The following NCAM2 variants were observed in gnomAD, a reference collection of about 807,000 sequenced individuals.
The protein encoded by NCAM2 is N-CAM-2.
In NCAM2, 30 loss-of-function variants were observed where a neutral mutation model predicts 98.1. That is an observed-to-expected ratio of 0.31 (90% CI 0.23 to 0.41). NCAM2 has a LOEUF of 0.41. NCAM2 is among the 10% of genes least tolerant of loss of function. The pLI is 1.00. For synonymous variants in NCAM2, 368 were observed against 342.4 expected, an observed-to-expected ratio of 1.07 and a Z score of -0.83; for missense variants, 867 against 1,005.8, an observed-to-expected ratio of 0.86 and a Z score of 1.87.
chr21:21,445,865 A>G (rs1980051984), intron 12 of NCAM2, among the ~76,000 whole-genome samples: 1 of 151,990 alleles, frequency 6.6e-6, no homozygotes, highest in African/African-American at 2.4e-5. Context: ...GATCCTGATC[A>G]AGAGTCATCA....
Position 21,209,404 on chromosome 21 carries a change from C to T in NCAM2, c.56-71174C>T, listed in dbSNP as rs562180457. On this transcript the variant is annotated intron_variant, in intron 1 of 17. Coordinates refer to ENST00000400546, the MANE Select transcript of NCAM2 (RefSeq NM_004540.5). The stretch of plus-strand genomic sequence containing the variant: ...TTAATTTATTTATTTTTATTTTTTT[C>T]GGAAAGACTGGGTCTTGCTATGTTT... Among the ~76,000 whole-genome samples, 5 of 152,064 alleles carry T rather than the reference C, an allele frequency of 3.3e-5. No homozygotes were observed. The South Asian group carries it at 8.3e-4, about 25-fold the overall frequency.
At chr21:21,314,568 T>G (rs1163948957) in intron 5 of NCAM2, among the ~76,000 whole-genome samples, 1 of 152,162 alleles carries the variant, frequency 6.6e-6, no homozygotes, top group Non-Finnish European at 1.5e-5. Context: ...CCTACATTAT[T>G]TTGTCCTGGT....
chr21:21,169,434 A>G (rs2068051416), intron 1 of NCAM2, among the ~76,000 whole-genome samples: 1 of 152,236 alleles, frequency 6.6e-6, no homozygotes, highest in Non-Finnish European at 1.5e-5. Context: ...GAAATATTTG[A>G]TAATCTGGAC....
chr21:21,272,396 A>G (rs1464016107), intron 1 of NCAM2, among the ~76,000 whole-genome samples: 1 of 152,188 alleles, frequency 6.6e-6, no homozygotes, highest in Non-Finnish European at 1.5e-5. Context: ...CCTTGGCCCT[A>G]CACCAAATAT....
intron 12 of NCAM2, among the ~76,000 whole-genome samples, chr21:21,449,546 A>AT (rs986901670): frequency 6.6e-6 from 1 of 152,058 alleles, no homozygotes; most frequent in Non-Finnish European, 1.5e-5. Flanking sequence ...TTGATAGCGC[A>AT]TTTTAGATGA....
Position 21,244,254 on chromosome 21 carries a change from C to T in NCAM2, c.56-36324C>T, listed in dbSNP as rs561132092. ...TACTATAAAAGGAAACCTTTTGTTG[C>T]TCCCAAGAAGAAAAGAAAAAAATAG... On this transcript the variant is annotated intron_variant, in intron 1 of 17. Transcript: ENST00000400546. Among the ~76,000 whole-genome samples the T allele has an allele frequency of 3.3e-5, 5 of 152,080 alleles. No individual in the cohort carries two copies. The East Asian group carries it at 5.8e-4, about 18-fold the overall frequency.
At chr21:21,039,419 A>G (rs993064511) in intron 1 of NCAM2, among the ~76,000 whole-genome samples, 2 of 152,220 alleles carry the variant, frequency 1.3e-5, no homozygotes, top group African/African-American at 4.8e-5. Flanking sequence ...CGCATTATAT[A>G]TTTCAAAATA....
At chr21:21,316,533 C>CTTTTTTT (rs34341259) in intron 5 of NCAM2, among the ~76,000 whole-genome samples, 9 of 110,900 alleles carry the variant, frequency 8.1e-5, no homozygotes, top group Admixed American at 1.1e-4. Flanking sequence ...ATCTTTTATT[C>CTTTTTTT]TTTTTTTTTT....
intron 12 of NCAM2, among the ~76,000 whole-genome samples, chr21:21,446,741 T>C (rs551008177): frequency 6.6e-6 from 1 of 152,172 alleles, no homozygotes; most frequent in Non-Finnish European, 1.5e-5. Flanking sequence ...GTCACATATA[T>C]TCCTTTACAC....
chr21:21,140,897 G>T (rs2067153726), intron 1 of NCAM2, among the ~76,000 whole-genome samples: 1 of 152,050 alleles, frequency 6.6e-6, no homozygotes, highest in Non-Finnish European at 1.5e-5. Context: ...ACTCTAAGAA[G>T]GCTTACAGTG....
intron 1 of NCAM2, among the ~76,000 whole-genome samples, chr21:21,060,510 G>C (rs2065299932): frequency 3.9e-5 from 6 of 151,936 alleles, no homozygotes. Flanking sequence ...GACAATTTTA[G>C]AAATCAAAAC....
In NCAM2 at chr21:21,317,072, C is replaced by A. The variant is rs547271402; in HGVS notation, c.620-7311C>A. 2.0e-4 allele frequency among the ~76,000 whole-genome samples: 30 copies of A among 152,294 alleles called. No individual in the cohort carries two copies. The South Asian group carries it at 5.8e-3, about 29-fold the overall frequency. ...CACAAACTCCAAGGGCAATACAAGA[C>A]ACCAAGCCCACAGCTGCCCTTCTAC... On this transcript the variant is annotated intron_variant, in intron 5 of 17. Coordinates refer to ENST00000400546, the MANE Select transcript of NCAM2 (RefSeq NM_004540.5).
At chr21:21,391,589 G>C (rs1416618363) in intron 9 of NCAM2, among the ~76,000 whole-genome samples, 1 of 152,128 alleles carries the variant, frequency 6.6e-6, no homozygotes, top group African/African-American at 2.4e-5. Context: ...ATTCAGATTA[G>C]TGTATTTATT....
At chr21:21,239,856 T>A (rs1370594225) in intron 1 of NCAM2, among the ~76,000 whole-genome samples, 1 of 152,176 alleles carries the variant, frequency 6.6e-6, no homozygotes, top group Non-Finnish European at 1.5e-5. Context: ...CTTTTAAATC[T>A]TGTGTCTATA....
At chr21:21,248,708 T>C (rs1051571418) in intron 1 of NCAM2, among the ~76,000 whole-genome samples, 4 of 126,078 alleles carry the variant, frequency 3.2e-5, no homozygotes, top group Non-Finnish European at 6.3e-5. Flanking sequence ...ACCCGGGAGG[T>C]GGAGCTTGCA....
At chr21:21,295,895 T>C (rs760046518) in intron 5 of NCAM2, among the ~76,000 whole-genome samples, 20 of 151,774 alleles carry the variant, frequency 1.3e-4, no homozygotes, top group Non-Finnish European at 2.2e-4. Flanking sequence ...CTGACCTAGG[T>C]GTACTTTTGA....
At chr21:21,187,093 G>A (rs2068664103) in intron 1 of NCAM2, among the ~76,000 whole-genome samples, 1 of 151,912 alleles carries the variant, frequency 6.6e-6, no homozygotes, top group South Asian at 2.1e-4. Context: ...AGCCAGGTGT[G>A]GTGGTTTGTG....
chr21:21,409,238 A>G (rs2076807590), intron 9 of NCAM2, among the ~76,000 whole-genome samples: 1 of 152,188 alleles, frequency 6.6e-6, no homozygotes, highest in Admixed American at 6.5e-5. Context: ...GTGGAGGAAG[A>G]GTGAAAACAA....
At chr21:21,161,686 A>G (rs2067791099) in intron 1 of NCAM2, among the ~76,000 whole-genome samples, 1 of 152,002 alleles carries the variant, frequency 6.6e-6, no homozygotes, top group Admixed American at 6.6e-5. Flanking sequence ...TTAGTGACAT[A>G]TACATGTGAT....
Sources: allele counts gnomAD v4.1 joint callset (sites outside exome capture counted in the v4.1 genomes callset), GRCh38; gene constraint gnomAD v4.1.1; transcripts MANE v1.5; gene names NCBI Gene and HGNC (gene_info 2026-07-23, HGNC 2026-07-21).